Variants in CLCA4 observed in about 807,000 individuals in gnomAD.
CLCA4 encodes the protein chloride channel accessory 4.
In CLCA4, 69 loss-of-function variants were observed where a neutral mutation model predicts 78.9. That is an observed-to-expected ratio of 0.87 (90% confidence interval 0.72 to 1.07). CLCA4 has a LOEUF of 1.07. Among genes scored for constraint, CLCA4 ranks in the 50% least tolerant of loss-of-function variants. The pLI is 0.00. For synonymous variants in CLCA4, 362 were observed against 375.8 expected, an observed-to-expected ratio of 0.96 and a Z score of 0.42; for missense variants, 1,133 against 1,095.8, an observed-to-expected ratio of 1.03 and a Z score of -0.48.
intron 3 of CLCA4, among the ~76,000 whole-genome samples, chr1:86,561,903 T>C (rs994330872): frequency 1.3e-5 from 2 of 152,124 alleles, no homozygotes; most frequent in Admixed American, 1.3e-4. Context: ...CTCACATTCC[T>C]CAAGGTCCTA....
chr1:86,560,142 AAG>A, intron 2 of CLCA4, 67 bp from the exon 3 acceptor site: 1 of 1,561,126 alleles, frequency 6.4e-7, no homozygotes, highest in Non-Finnish European at 8.6e-7. Flanking sequence ...CAAATTATTT[AAG>A]AGTCTTTCTA....
intron 12 of CLCA4, among the ~76,000 whole-genome samples, chr1:86,578,532 A>T (rs982778189): frequency 6.6e-6 from 1 of 151,952 alleles, no homozygotes; most frequent in Non-Finnish European, 1.5e-5. Flanking sequence ...TTTAGCTCCC[A>T]CTTATAAGTG....
chr1:86,572,531 GT>G (rs1161448461), intron 8 of CLCA4, 82 bp from the exon 9 acceptor site: 1 of 802,528 alleles, frequency 1.2e-6, no homozygotes, highest in Non-Finnish European at 2.1e-6. Flanking sequence ...CTATGATTTT[GT>G]TTTAACTATT....
At position 86,579,492 on chromosome 1, in the gene CLCA4, C is replaced by G; in HGVS notation, c.2261C>G (p.Pro754Arg). 1 of 1,613,260 alleles carries G rather than the reference C, an allele frequency of 6.2e-7. No individual in the cohort carries two copies. The highest frequency in any genetic ancestry group is 8.5e-7 in the Non-Finnish European group (1 of 1,179,484). ...VPSLPLPDQY[P>R]PSQITDLDAT... ...AGCCTTCCCTTGCCTGACCAATACC[C>G]ACCAAGTCAAATCACAGACCTTGAT... Residue 754 changes from proline (P) to arginine (R), a missense_variant, in exon 13 of 14, where the codon CCA (proline) becomes CGA (arginine). By Grantham distance (103) the Pro-to-Arg change is moderately radical. Transcript: ENST00000370563.
chr1:86,577,022 C>G (rs1308898505), intron 11 of CLCA4, among the ~76,000 whole-genome samples: 3 of 152,082 alleles, frequency 2.0e-5, no homozygotes, highest in Non-Finnish European at 4.4e-5. Flanking sequence ...ATAATCATAT[C>G]TTCAACTAGA....
intron 11 of CLCA4, among the ~76,000 whole-genome samples, chr1:86,577,175 C>A (rs1650545717): frequency 6.6e-6 from 1 of 152,038 alleles, no homozygotes; most frequent in Admixed American, 6.6e-5. Context: ...AACTTATATG[C>A]ACCATGTTTC....
In CLCA4 at chr1:86,580,219, A is replaced by ACCTACT. The variant is rs56040873; in HGVS notation, c.2656_2661dup (p.Thr886_Pro887dup). 24,206 of 190,418 alleles carry ACCTACT rather than the reference A, an allele frequency of 0.13. 232 individuals carry two copies. The highest frequency in any genetic ancestry group is 0.27 in the Middle Eastern group (279 of 1,038). The allele number at this position is 190,418 out of a possible 1,614,324, so 11.8% of individuals were successfully genotyped here. ...CAAATCCTGATGACATTGATCCTAC[A>ACCTACT]CCTACTCCTACTCCTACTCCTACTC... On this transcript the variant is annotated inframe_insertion, in exon 14 of 14. Transcript: ENST00000370563.
chr1:86,564,778 T>A (rs994426043), intron 4 of CLCA4, among the ~76,000 whole-genome samples: 1 of 152,164 alleles, frequency 6.6e-6, no homozygotes, highest in Non-Finnish European at 1.5e-5. Flanking sequence ...CAGCACCTCA[T>A]CTTCGCTTCC....
intron 1 of CLCA4, among the ~76,000 whole-genome samples, chr1:86,558,085 A>G (rs549215630): frequency 3.9e-5 from 6 of 151,966 alleles, no homozygotes; most frequent in African/African-American, 9.7e-5. Flanking sequence ...GGGTGTCATT[A>G]TGCCTTTATA....
In CLCA4 at chr1:86,559,930, A is replaced by G; in HGVS notation, c.160-2A>G. 6.3e-7 allele frequency: 1 copy of G among 1,585,236 alleles called. No homozygotes were observed. The highest frequency in any genetic ancestry group is 2.2e-5 in the East Asian group (1 of 44,532). ...CTCACATATTTTTTCCTTTAATGAC[A>G]GGATATGGTGACTACAGCTTCTACG... On this transcript the variant is annotated splice_acceptor_variant, in intron 1 of 13. Coordinates refer to ENST00000370563, the MANE Select transcript of CLCA4 (RefSeq NM_012128.4). LOFTEE classifies it high-confidence loss of function.
At chr1:86,574,332 T>C (rs1290841262) in intron 9 of CLCA4, among the ~76,000 whole-genome samples, 1 of 152,200 alleles carries the variant, frequency 6.6e-6, no homozygotes, top group Non-Finnish European at 1.5e-5. Flanking sequence ...CCCTTGTTTC[T>C]GCTCTACATG....
intron 7 of CLCA4, 76 bp from the exon 8 acceptor site, chr1:86,571,001 A>T (rs1156424074): frequency 5.6e-6 from 6 of 1,070,028 alleles, no homozygotes; most frequent in Non-Finnish European, 6.7e-6. Flanking sequence ...TTCTCTGTAA[A>T]TTTTTTCTCA....
rs1468068838 is a variant in CLCA4, at chr1:86,580,125, G to T, written c.2540G>T (p.Ser847Ile). 6.2e-7 allele frequency: 1 copy of T among 1,612,516 alleles called. No homozygotes were observed. The highest frequency in any genetic ancestry group is 8.5e-7 in the Non-Finnish European group (1 of 1,179,250). ...ACCCACATATTTATTGCCATTAAAA[G>T]TATAGATAAAAGCAATTTGACATCA... ...NATHIFIAIK[S>I]IDKSNLTSKV... Residue 847 changes from serine to isoleucine, a missense_variant, in exon 14 of 14, where the codon AGT becomes ATT. Coordinates refer to ENST00000370563, the MANE Select transcript of CLCA4 (RefSeq NM_012128.4).
chr1:86,557,061 C>T (rs1035970844), intron 1 of CLCA4, among the ~76,000 whole-genome samples: 1 of 151,932 alleles, frequency 6.6e-6, no homozygotes, highest in Non-Finnish European at 1.5e-5. Context: ...TATTTCCAAT[C>T]CTGTTTATTT....
intron 2 of CLCA4, 64 bp downstream of exon 2, chr1:86,560,136 T>C (rs2231582): frequency 0.11 from 170,102 of 1,556,582 alleles, 10,046 homozygotes; most frequent in Middle Eastern, 0.17. Context: ...TTGCCACAAA[T>C]TATTTAAGAG....
chr1:86,567,739 G>A, intron 7 of CLCA4, 88 bp downstream of exon 7: 3 of 1,064,092 alleles, frequency 2.8e-6, no homozygotes, highest in Admixed American at 2.5e-5. Flanking sequence ...CTTGCTTGCT[G>A]CCTAATTTTA....
chr1:86,563,452 T>G (rs967025624), intron 3 of CLCA4, among the ~76,000 whole-genome samples: 1 of 151,824 alleles, frequency 6.6e-6, no homozygotes, highest in African/African-American at 2.4e-5. Context: ...TAACATGTCG[T>G]GGAATAAGAA....
Position 86,547,208 on chromosome 1 carries a change from G to A in CLCA4, c.89G>A (p.Gly30Asp), listed in dbSNP as rs778109256. 3 of 1,611,402 alleles carry A rather than the reference G, an allele frequency of 1.9e-6. No individual in the cohort carries two copies. The highest frequency in any genetic ancestry group is 2.2e-5 in the East Asian group (1 of 44,614). ...NTSFIKLNNN[G>D]FEDIVIVIDP... ...TCCTTCATTAAGCTGAATAATAATG[G>A]CTTTGAAGATATTGTCATTGTTATA... The change falls in exon 1 of 14, where the codon GGC (glycine) becomes GAC (aspartate). Residue 30 changes from glycine to aspartate, a missense_variant. By Grantham distance (94) the Gly-to-Asp change is moderately conservative (BLOSUM62 -1). Transcript: ENST00000370563.
At chr1:86,572,399 A>G (rs1357257960) in intron 8 of CLCA4, among the ~76,000 whole-genome samples, 1 of 152,036 alleles carries the variant, frequency 6.6e-6, no homozygotes. Context: ...GCTAGCTAAG[A>G]TTTTGATAAT....
Sources: gnomAD v4.1 joint callset for allele counts (sites outside exome capture counted in the v4.1 genomes callset) on GRCh38, gnomAD v4.1.1 for gene constraint, MANE v1.5 for transcripts, NCBI Gene and HGNC (gene_info 2026-07-23, HGNC 2026-07-21) for gene names.